The following SPAG16 variants were observed in gnomAD, a reference collection of about 807,000 sequenced individuals.
SPAG16 encodes sperm associated antigen 16, also known as sperm-associated antigen 16 protein.
A neutral mutation model predicts 80.4 loss-of-function variants in SPAG16; 86 were observed. That is an observed-to-expected ratio of 1.07 (90% CI 0.90 to 1.28). SPAG16 has a LOEUF of 1.28. SPAG16 is among the 50% of genes most tolerant of loss of function. The pLI, the probability that SPAG16 is intolerant of heterozygous loss-of-function variation, is 0.00. For missense variants in SPAG16, 870 were observed against 765.3 expected, an observed-to-expected ratio of 1.14 and a Z score of -1.61; for synonymous variants, 294 against 265.9, an observed-to-expected ratio of 1.11 and a Z score of -1.03.
chr2:213,292,663 C>CAAAAAAAAAAA (rs1248465249), intron 1 of SPAG16, among the ~76,000 whole-genome samples: 6 of 76,380 alleles, frequency 7.9e-5, no homozygotes, highest in African/African-American at 4.1e-4. Context: ...GACTCCGTCT[C>CAAAAAAAAAAA]AAAAAAAAAA....
At chr2:213,557,748 C>A (rs937779507) in intron 10 of SPAG16, among the ~76,000 whole-genome samples, 3 of 152,110 alleles carry the variant, frequency 2.0e-5, no homozygotes, top group Middle Eastern at 3.2e-3. Context: ...CCATGGTGCC[C>A]AGCTTGAGTT....
intron 15 of SPAG16, among the ~76,000 whole-genome samples, chr2:214,253,103 T>TTC (rs1223271161): frequency 1.3e-5 from 2 of 151,600 alleles, no homozygotes; most frequent in East Asian, 3.9e-4. Context: ...TTTTTTTTTT[T>TTC]TGAGAAGGAT....
rs995079580 is a variant in SPAG16, at chr2:214,149,281, G to A, written c.1720+15G>A. 3 of 1,536,884 alleles carry A rather than the reference G, an allele frequency of 2.0e-6. No individual in the cohort carries two copies. Among genetic ancestry groups the A allele is most frequent in the African/African-American group, 2.8e-5 (2 of 72,450 alleles). ...TGATTCATCAGGTAGGATCATTTTT[G>A]TCTAATGTTTCTGACTAAGCCAATA... On this transcript the variant is annotated intron_variant, in intron 15 of 15. Transcript: ENST00000331683.
At chr2:214,410,070 T>C in intron 15 of SPAG16, 70 bp from the exon 16 acceptor site, 3 of 1,558,594 alleles carry the variant, frequency 1.9e-6, no homozygotes, top group Non-Finnish European at 2.6e-6. Flanking sequence ...GCTTCATTGC[T>C]TATAAACTGT....
intron 11 of SPAG16, among the ~76,000 whole-genome samples, chr2:213,867,520 A>G (rs2075739520): frequency 1.3e-5 from 2 of 152,190 alleles, no homozygotes; most frequent in Non-Finnish European, 2.9e-5. Flanking sequence ...GATTGTGAAG[A>G]CTAGTGTTAT....
At chr2:213,585,978 A>G (rs1443359318) in intron 10 of SPAG16, among the ~76,000 whole-genome samples, 2 of 152,170 alleles carry the variant, frequency 1.3e-5, no homozygotes, top group Non-Finnish European at 2.9e-5. Context: ...AATCATCTCC[A>G]TAACATATGA....
intron 10 of SPAG16, among the ~76,000 whole-genome samples, chr2:213,563,314 G>A (rs1342135315): frequency 2.0e-5 from 3 of 151,808 alleles, no homozygotes; most frequent in Admixed American, 6.6e-5. Flanking sequence ...ATTATAATTT[G>A]TTCTTGAACT....
At chr2:214,104,802 A>G (rs2053291584) in intron 13 of SPAG16, among the ~76,000 whole-genome samples, 1 of 152,040 alleles carries the variant, frequency 6.6e-6, no homozygotes, top group African/African-American at 2.4e-5. Context: ...CTCAAGTTTA[A>G]TGTTTACAGA....
intron 13 of SPAG16, among the ~76,000 whole-genome samples, chr2:214,073,402 A>G (rs1386430498): frequency 1.3e-5 from 2 of 151,762 alleles, no homozygotes; most frequent in East Asian, 3.9e-4. Context: ...CATGCCAGCT[A>G]ATTTTTGTAT....
intron 1 of SPAG16, among the ~76,000 whole-genome samples, chr2:213,295,220 C>T (rs1183053030): frequency 6.6e-6 from 1 of 151,756 alleles, no homozygotes. Context: ...TCAGTGTAAT[C>T]GAAAAAAATG....
At chr2:213,392,500 G>T (rs1463730259) in intron 9 of SPAG16, among the ~76,000 whole-genome samples, 2 of 152,028 alleles carry the variant, frequency 1.3e-5, no homozygotes, top group African/African-American at 4.8e-5. Context: ...TATGGAAGTT[G>T]GTAAGAAATC....
intron 15 of SPAG16, among the ~76,000 whole-genome samples, chr2:214,275,831 C>G (rs1345332952): frequency 6.6e-6 from 1 of 152,112 alleles, no homozygotes; most frequent in Non-Finnish European, 1.5e-5. Context: ...AAGCTGAGTT[C>G]AAGTCCTGGA....
rs1435482458 is a variant in SPAG16, at chr2:213,574,129, A to C, written c.1070+84039A>C. On this transcript the variant is annotated intron_variant, in intron 10 of 15. Coordinates refer to ENST00000331683, the MANE Select transcript of SPAG16 (RefSeq NM_024532.5). ...AAAACTGTATTTTAGCAAGTTTATTAATTTTCTCTACTTGTAGGTTATATG... is the reference window on the plus strand; with the variant it reads ...AAAACTGTATTTTAGCAAGTTTATTCATTTTCTCTACTTGTAGGTTATATG... 2.0e-5 allele frequency among the ~76,000 whole-genome samples: 3 copies of C among 152,134 alleles called. No homozygotes were observed. The South Asian group carries it at 6.2e-4, about 32-fold the overall frequency.
intron 10 of SPAG16, among the ~76,000 whole-genome samples, chr2:213,781,923 T>G (rs2125584391): frequency 6.6e-6 from 1 of 152,276 alleles, no homozygotes. Context: ...CATAGTACAT[T>G]TTATAACTAG....
intron 12 of SPAG16, among the ~76,000 whole-genome samples, chr2:213,938,069 G>A (rs572197598): frequency 1.3e-4 from 19 of 151,712 alleles, no homozygotes; most frequent in African/African-American, 3.9e-4. Context: ...ATTAGAATGA[G>A]TATAAATGAA....
intron 15 of SPAG16, among the ~76,000 whole-genome samples, chr2:214,317,128 C>A (rs1390581741): frequency 6.6e-6 from 1 of 152,118 alleles, no homozygotes; most frequent in Non-Finnish European, 1.5e-5. Context: ...AAAATTAGAA[C>A]CAGAACCCCA....
chr2:214,343,496 A>G (rs1346376803), intron 15 of SPAG16, among the ~76,000 whole-genome samples: 1 of 152,168 alleles, frequency 6.6e-6, no homozygotes, highest in Non-Finnish European at 1.5e-5. Context: ...CAAAGTATAA[A>G]ATACATGGCA....
At chr2:213,518,116 C>T (rs1362397499) in intron 10 of SPAG16, among the ~76,000 whole-genome samples, 1 of 152,066 alleles carries the variant, frequency 6.6e-6, no homozygotes, top group Admixed American at 6.5e-5. Flanking sequence ...AACAAATAAC[C>T]CCACTGATAA....
chr2:214,252,434 A>G (rs1410303537), intron 15 of SPAG16, among the ~76,000 whole-genome samples: 1 of 151,600 alleles, frequency 6.6e-6, no homozygotes, highest in Non-Finnish European at 1.5e-5. Flanking sequence ...CCCTAATGCT[A>G]TCCCTCCCCT....
Sources: gnomAD v4.1 joint callset for allele counts (sites outside exome capture counted in the v4.1 genomes callset) on GRCh38, gnomAD v4.1.1 for gene constraint, MANE v1.5 for transcripts, NCBI Gene and HGNC (gene_info 2026-07-23, HGNC 2026-07-21) for gene names.